DPP10: variants seen among roughly 807,000 people sequenced by gnomAD.
The protein encoded by DPP10 is inactive dipeptidyl peptidase 10.
Under a neutral mutation model 120.9 loss-of-function variants are expected in DPP10, and 33 were observed. The ratio of observed to expected loss-of-function variants is 0.27; its 90% confidence interval spans 0.21 to 0.37. The LOEUF (loss-of-function observed/expected upper bound fraction) is 0.37. Among genes scored for constraint, DPP10 ranks in the 10% least tolerant of loss-of-function variants. The pLI, the probability that DPP10 is intolerant of heterozygous loss-of-function variation, is 1.00. For synonymous variants in DPP10, 337 were observed against 326.1 expected, an observed-to-expected ratio of 1.03 and a Z score of -0.36; for missense variants, 816 against 942.8, an observed-to-expected ratio of 0.87 and a Z score of 1.76.
intron 1 of DPP10, among the ~76,000 whole-genome samples, chr2:115,188,331 G>A (rs1466464019): frequency 1.3e-5 from 2 of 152,120 alleles, no homozygotes; most frequent in African/African-American, 2.4e-5. Context: ...GGGAGAAAAC[G>A]GGATAATTAA....
Position 114,478,601 on chromosome 2 carries a change from T to G in DPP10, c.60+35763T>G, listed in dbSNP as rs372371458. 5.3e-5 allele frequency among the ~76,000 whole-genome samples: 8 copies of G among 151,858 alleles called. No individual in the cohort carries two copies. The East Asian group carries it at 7.8e-4, about 15-fold the overall frequency. On this transcript the variant is annotated intron_variant, in intron 1 of 25. Coordinates refer to ENST00000410059, the MANE Select transcript of DPP10 (RefSeq NM_020868.6). ...AATAAATAAGGAAGGAAGGAAGGAATGAAGGATGAAAGGAGAAGGCATACA... is the reference window on the plus strand; with the variant it reads ...AATAAATAAGGAAGGAAGGAAGGAAGGAAGGATGAAAGGAGAAGGCATACA...
At chr2:115,187,542 T>G (rs1461450417) in intron 1 of DPP10, among the ~76,000 whole-genome samples, 1 of 152,168 alleles carries the variant, frequency 6.6e-6, no homozygotes, top group African/African-American at 2.4e-5. Context: ...TTTTTTAGGC[T>G]TGGTTTATAT....
In DPP10 at chr2:114,684,124, G is replaced by A. The variant is rs576803348; in HGVS notation, c.60+241286G>A. Among the ~76,000 whole-genome samples the A allele has an allele frequency of 4.6e-5, 7 of 152,090 alleles. No homozygotes were observed. In the South Asian group the frequency reaches 1.5e-3, roughly 32 times the overall value. ...CATGCACAGCATTCCAGATAGGGAA[G>A]ATTCTTTGTGTTAATTCCAGTGATG... On this transcript the variant is annotated intron_variant, in intron 1 of 25. Transcript: ENST00000410059.
chr2:114,625,344 G>A (rs1157249838), intron 1 of DPP10, among the ~76,000 whole-genome samples: 1 of 151,956 alleles, frequency 6.6e-6, no homozygotes, highest in Non-Finnish European at 1.5e-5. Context: ...TAGGATCAAA[G>A]TTAGATATGT....
At chr2:114,764,973 C>T (rs1680585394) in intron 1 of DPP10, among the ~76,000 whole-genome samples, 1 of 152,140 alleles carries the variant, frequency 6.6e-6, no homozygotes, top group Non-Finnish European at 1.5e-5. Flanking sequence ...ATATGCCACT[C>T]TGTGTACAGT....
At chr2:114,718,860 G>GT (rs1389981007) in intron 1 of DPP10, among the ~76,000 whole-genome samples, 1 of 152,184 alleles carries the variant, frequency 6.6e-6, no homozygotes, top group Non-Finnish European at 1.5e-5. Flanking sequence ...GAGGCTAAGT[G>GT]TTCTTTGTAA....
chr2:115,149,949 G>T (rs375355374), intron 1 of DPP10, among the ~76,000 whole-genome samples: 2 of 152,208 alleles, frequency 1.3e-5, no homozygotes, highest in Admixed American at 1.3e-4. Context: ...TGAGAAGCAG[G>T]TGCAAGTGGA....
intron 1 of DPP10, among the ~76,000 whole-genome samples, chr2:115,226,986 G>A (rs1408901945): frequency 6.6e-6 from 1 of 152,080 alleles, no homozygotes; most frequent in Non-Finnish European, 1.5e-5. Context: ...CATTTATTGA[G>A]TACAGACATC....
chr2:115,103,493 C>T (rs2048804051), intron 1 of DPP10, among the ~76,000 whole-genome samples: 1 of 152,114 alleles, frequency 6.6e-6, no homozygotes, highest in Non-Finnish European at 1.5e-5. Flanking sequence ...TGGCCTCAGA[C>T]AATGATTCTT....
At chr2:115,067,019 TGC>T (rs1199623706) in intron 1 of DPP10, among the ~76,000 whole-genome samples, 2 of 152,050 alleles carry the variant, frequency 1.3e-5, no homozygotes, top group Non-Finnish European at 2.9e-5. Context: ...TAATTCATTC[TGC>T]ATAACTGCAA....
At chr2:114,663,240 GTGTGTATATATATATATATC>G in intron 1 of DPP10, among the ~76,000 whole-genome samples, 1 of 136,914 alleles carries the variant, frequency 7.3e-6, no homozygotes, top group East Asian at 2.4e-4. Flanking sequence ...AGAGCCTTGT[GTGTGTATATATATATATATC>G]TATATATATA....
At chr2:115,159,292 A>C (rs550325126) in intron 1 of DPP10, among the ~76,000 whole-genome samples, 2 of 152,266 alleles carry the variant, frequency 1.3e-5, no homozygotes, top group East Asian at 3.9e-4. Context: ...CCCCGTCTCC[A>C]CTAAAAATGC....
chr2:115,272,158 A>G (rs925799123), intron 1 of DPP10, among the ~76,000 whole-genome samples: 1 of 152,226 alleles, frequency 6.6e-6, no homozygotes, highest in South Asian at 2.1e-4. Context: ...ACCATCATTC[A>G]TATAACTTTA....
chr2:115,345,066 G>T (rs1016810634), intron 3 of DPP10, among the ~76,000 whole-genome samples: 1 of 152,158 alleles, frequency 6.6e-6, no homozygotes, highest in Non-Finnish European at 1.5e-5. Context: ...ATGTCTCCTG[G>T]AGATCTGCAG....
chr2:114,730,307 C>G (rs1021015063), intron 1 of DPP10, among the ~76,000 whole-genome samples: 5 of 152,194 alleles, frequency 3.3e-5, no homozygotes, highest in Non-Finnish European at 4.4e-5. Context: ...ATAGGGCCAT[C>G]ATGTCCATTA....
chr2:115,514,707 T>A (rs2077408540), intron 4 of DPP10, among the ~76,000 whole-genome samples: 2 of 151,876 alleles, frequency 1.3e-5, no homozygotes, highest in Non-Finnish European at 2.9e-5. Flanking sequence ...TTTCAATAGC[T>A]AAATGAAACC....
intron 17 of DPP10, among the ~76,000 whole-genome samples, chr2:115,788,207 CTTA>C (rs1683553415): frequency 2.0e-5 from 3 of 151,984 alleles, no homozygotes; most frequent in South Asian, 2.1e-4. Flanking sequence ...ATGACTCTAA[CTTA>C]TTATATAAAA....
intron 1 of DPP10, among the ~76,000 whole-genome samples, chr2:114,945,859 T>A (rs1372985313): frequency 6.6e-6 from 1 of 152,092 alleles, no homozygotes; most frequent in African/African-American, 2.4e-5. Flanking sequence ...AGCCTCACAG[T>A]GGAGAAACCT....
chr2:115,666,773 G>T (rs1350214811), intron 5 of DPP10, among the ~76,000 whole-genome samples: 3 of 152,098 alleles, frequency 2.0e-5, no homozygotes, highest in African/African-American at 7.2e-5. Context: ...GGTATATAAT[G>T]AATAATGGGA....
Sources: gnomAD v4.1 joint callset for allele counts (sites outside exome capture counted in the v4.1 genomes callset) on GRCh38, gnomAD v4.1.1 for gene constraint, MANE v1.5 for transcripts, NCBI Gene and HGNC (gene_info 2026-07-23, HGNC 2026-07-21) for gene names.